The following ERC2 variants were observed in gnomAD, a reference collection of about 807,000 sequenced individuals.
ERC2 encodes ELKS/RAB6-interacting/CAST family member 2.
ERC2 carries 42 observed loss-of-function variants against 114.8 expected under a neutral mutation model. The observed-to-expected ratio is 0.37, with a 90% CI of 0.29 to 0.47. ERC2 has a LOEUF of 0.47. ERC2 is among the 20% of genes least tolerant of loss of function. The pLI is 0.99. For missense variants in ERC2, 939 were observed against 1,150.7 expected, an observed-to-expected ratio of 0.82 and a Z score of 2.66; for synonymous variants, 454 against 425.5, an observed-to-expected ratio of 1.07 and a Z score of -0.82.
intron 2 of ERC2, among the ~76,000 whole-genome samples, chr3:56,320,366 C>T (rs1329692961): frequency 6.6e-6 from 1 of 152,176 alleles, no homozygotes; most frequent in Non-Finnish European, 1.5e-5. Context: ...GTTCATCTGC[C>T]ATTCAAGAAT....
chr3:55,625,574 AC>A (rs1428795061), intron 17 of ERC2, among the ~76,000 whole-genome samples: 3 of 151,704 alleles, frequency 2.0e-5, no homozygotes, highest in Non-Finnish European at 4.4e-5. Context: ...ACATGGTGAA[AC>A]CCCGTCTCTA....
chr3:56,394,911 A>T (rs1396512201), intron 2 of ERC2, among the ~76,000 whole-genome samples: 1 of 152,206 alleles, frequency 6.6e-6, no homozygotes, highest in African/African-American at 2.4e-5. Flanking sequence ...AAACAACACA[A>T]ATGTCCATCA....
chr3:56,170,684 C>T (rs564559575), intron 4 of ERC2, among the ~76,000 whole-genome samples: 13 of 148,822 alleles, frequency 8.7e-5, no homozygotes, highest in African/African-American at 2.5e-4. Flanking sequence ...GCAACCTCCA[C>T]GCCCAGGGTT....
chr3:56,335,209 A>G (rs764477408), intron 2 of ERC2, among the ~76,000 whole-genome samples: 6 of 152,196 alleles, frequency 3.9e-5, no homozygotes, highest in Non-Finnish European at 8.8e-5. Flanking sequence ...GTGACTTCTC[A>G]AAGGCTGGTG....
At chr3:56,016,735 T>C (rs567048130) in intron 8 of ERC2, among the ~76,000 whole-genome samples, 1 of 152,244 alleles carries the variant, frequency 6.6e-6, no homozygotes, top group African/African-American at 2.4e-5. Flanking sequence ...ATTCCCCCAT[T>C]CATCAAATGG....
intron 15 of ERC2, among the ~76,000 whole-genome samples, chr3:55,710,758 A>T (rs983621612): frequency 6.6e-6 from 1 of 152,184 alleles, no homozygotes; most frequent in Admixed American, 6.5e-5. Flanking sequence ...TAGACTAGAG[A>T]ATTTTAGGGC....
At chr3:55,923,880 C>T (rs149209347) in intron 13 of ERC2, among the ~76,000 whole-genome samples, 1 of 152,270 alleles carries the variant, frequency 6.6e-6, no homozygotes, top group East Asian at 1.9e-4. Flanking sequence ...ATAATCTTTC[C>T]CAACATAGGG....
intron 6 of ERC2, among the ~76,000 whole-genome samples, chr3:56,096,994 T>C (rs1035825396): frequency 1.3e-5 from 2 of 152,344 alleles, no homozygotes; most frequent in Admixed American, 6.5e-5. Flanking sequence ...TGAGGTTCCA[T>C]TGTAACACCT....
rs140369782 is a variant in ERC2, at chr3:55,941,940, T to C, written c.2403+8485A>G. 3.3e-5 allele frequency among the ~76,000 whole-genome samples: 5 copies of C among 152,350 alleles called. No individual in the cohort carries two copies. In the East Asian group the frequency reaches 7.7e-4, roughly 24 times the overall value. ...TGATAGAATATCCTGTTATAAAATA[T>C]ACATAAAGCTTAGTTTATTCACAAT... On this transcript the variant is annotated intron_variant, in intron 13 of 17. Coordinates refer to ENST00000288221, the MANE Select transcript of ERC2 (RefSeq NM_015576.3).
intron 2 of ERC2, among the ~76,000 whole-genome samples, chr3:56,426,451 G>C (rs1461346514): frequency 1.3e-5 from 2 of 152,202 alleles, no homozygotes; most frequent in Non-Finnish European, 2.9e-5. Context: ...TAACAGATGG[G>C]ACTGTTGTTA....
intron 3 of ERC2, among the ~76,000 whole-genome samples, chr3:56,277,914 G>A (rs745943927): frequency 6.6e-6 from 1 of 152,196 alleles, no homozygotes; most frequent in Non-Finnish European, 1.5e-5. Context: ...AAAGGAGGCA[G>A]AGTAGCCCGA....
chr3:56,122,897 C>G (rs73091259), intron 6 of ERC2, among the ~76,000 whole-genome samples: 2 of 152,110 alleles, frequency 1.3e-5, no homozygotes, highest in African/African-American at 4.8e-5. Flanking sequence ...TGCTAAGTCC[C>G]TTCTCTTCAC....
At chr3:56,233,500 C>T (rs1052530826) in intron 3 of ERC2, among the ~76,000 whole-genome samples, 10 of 151,782 alleles carry the variant, frequency 6.6e-5, no homozygotes, top group East Asian at 1.9e-4. Flanking sequence ...AAAAATTAGC[C>T]GGGAGTGGTG....
chr3:56,003,183 G>C lies in ERC2; in HGVS notation c.2061+3998C>G, dbSNP rs142607324. ...ATTGAGGCACAGACAGGGAAAGAAG[G>C]AAAGATCCAGAAAAACAGCATTAGC... On this transcript the variant is annotated intron_variant, in intron 10 of 17. Coordinates refer to ENST00000288221, the MANE Select transcript of ERC2 (RefSeq NM_015576.3). The C allele has an allele frequency of 5.5e-6, 7 of 1,261,578 alleles. No homozygotes were observed. The African/African-American group carries it at 9.2e-5, about 17-fold the overall frequency. The allele number at this position is 1,261,578 out of a possible 1,614,324, so 78.1% of individuals were successfully genotyped here. A position where few individuals can be genotyped will look rare whatever the true frequency, so the allele number is the denominator to read the frequency against.
chr3:55,717,152 T>C (rs1335029297), intron 15 of ERC2, among the ~76,000 whole-genome samples: 1 of 152,216 alleles, frequency 6.6e-6, no homozygotes, highest in Non-Finnish European at 1.5e-5. Flanking sequence ...TTTTAAACAT[T>C]GAGGCTCACG....
At chr3:55,845,826 C>T (rs2061341082) in intron 14 of ERC2, among the ~76,000 whole-genome samples, 1 of 152,206 alleles carries the variant, frequency 6.6e-6, no homozygotes, top group African/African-American at 2.4e-5. Context: ...AATAAGGCAG[C>T]CATGTACACC....
chr3:55,863,420 G>A (rs1254207876), intron 14 of ERC2, among the ~76,000 whole-genome samples: 2 of 152,042 alleles, frequency 1.3e-5, no homozygotes, highest in Admixed American at 6.6e-5. Context: ...ATGAACTGCT[G>A]GAATTTATTT....
At chr3:56,222,431 C>T (rs1354452899) in intron 3 of ERC2, among the ~76,000 whole-genome samples, 1 of 152,154 alleles carries the variant, frequency 6.6e-6, no homozygotes, top group East Asian at 1.9e-4. Context: ...CCACCACCAC[C>T]TCCTGCTCCC....
At chr3:56,353,842 G>T (rs2058645041) in intron 2 of ERC2, among the ~76,000 whole-genome samples, 1 of 150,920 alleles carries the variant, frequency 6.6e-6, no homozygotes, top group African/African-American at 2.4e-5. Context: ...AATAATAGCT[G>T]TCATGTATTA....
Sources: gnomAD v4.1 joint callset for allele counts (sites outside exome capture counted in the v4.1 genomes callset) on GRCh38, gnomAD v4.1.1 for gene constraint, MANE v1.5 for transcripts, NCBI Gene and HGNC (gene_info 2026-07-23, HGNC 2026-07-21) for gene names.